Variants in RPS6KC1 observed in about 807,000 individuals in gnomAD.
RPS6KC1 encodes the protein inactive ribosomal protein S6 kinase delta-1.
RPS6KC1 carries 54 observed loss-of-function variants against 103.8 expected under a neutral mutation model. That is an observed-to-expected ratio of 0.52 (90% CI 0.42 to 0.65). RPS6KC1 has a LOEUF of 0.65. Among genes scored for constraint, RPS6KC1 ranks in the 30% least tolerant of loss-of-function variants. The pLI, the probability that RPS6KC1 is intolerant of heterozygous loss-of-function variation, is 0.00. For missense variants in RPS6KC1, 1,151 were observed against 1,253.8 expected (o/e 0.92, Z 1.24); for synonymous variants, 439 against 438.7 (o/e 1.00, Z -0.01).
chr1:213,318,048 G>A, the RPS6KC1 span, among the ~76,000 whole-genome samples: 3 of 152,258 alleles, frequency 2.0e-5, no homozygotes, highest in African/African-American at 7.2e-5. Context: ...GGGGGCAGGG[G>A]CTGTGTTCGC....
chr1:213,400,009 G>A, the RPS6KC1 span, among the ~76,000 whole-genome samples: 1 of 152,184 alleles, frequency 6.6e-6, no homozygotes, highest in African/African-American at 2.4e-5. Flanking sequence ...GCCGAGGAGG[G>A]CTGGGCGCCG....
intron 10 of RPS6KC1, among the ~76,000 whole-genome samples, chr1:213,234,387 A>C (rs2094177574): frequency 6.6e-6 from 1 of 152,206 alleles, no homozygotes; most frequent in Admixed American, 6.5e-5. Flanking sequence ...AAAAGGAACT[A>C]TACAGATCTT....
the RPS6KC1 span, among the ~76,000 whole-genome samples, chr1:213,335,909 C>T: frequency 2.6e-4 from 39 of 152,206 alleles, no homozygotes; most frequent in South Asian, 7.9e-3. Context: ...GGAGGTGATC[C>T]GGTTTAGTGA....
At chr1:213,694,029 A>G in the RPS6KC1 span, among the ~76,000 whole-genome samples, 2 of 152,330 alleles carry the variant, frequency 1.3e-5, no homozygotes, top group East Asian at 1.9e-4. Flanking sequence ...GATAGCACCC[A>G]TAATCTGATT....
the RPS6KC1 span, among the ~76,000 whole-genome samples, chr1:213,317,409 GCTGC>G: frequency 6.6e-6 from 1 of 152,160 alleles, no homozygotes; most frequent in African/African-American, 2.4e-5. Context: ...TTTGTAGATG[GCTGC>G]CTTTTCACTC....
the RPS6KC1 span, among the ~76,000 whole-genome samples, chr1:213,355,418 C>T: frequency 4.6e-5 from 7 of 152,058 alleles, no homozygotes; most frequent in South Asian, 2.1e-4. Flanking sequence ...GATCCACCGG[C>T]CTTAGACAGG....
the RPS6KC1 span, among the ~76,000 whole-genome samples, chr1:213,824,262 C>G: frequency 6.6e-6 from 1 of 152,236 alleles, no homozygotes; most frequent in African/African-American, 2.4e-5. Context: ...CCATGTCACT[C>G]AGAGCTGGCC....
At chr1:213,320,458 G>A in the RPS6KC1 span, among the ~76,000 whole-genome samples, 2 of 152,206 alleles carry the variant, frequency 1.3e-5, no homozygotes, top group South Asian at 2.1e-4. Context: ...TGGTAATGCC[G>A]TTTATTAATA....
chr1:213,060,018 A>AT (rs2077691703), intron 1 of RPS6KC1, among the ~76,000 whole-genome samples: 1 of 152,050 alleles, frequency 6.6e-6, no homozygotes, highest in African/African-American at 2.4e-5. Flanking sequence ...GGGTTTTGCC[A>AT]TGTTGGCCAG....
chr1:213,108,563 T>C (rs2082706964), intron 4 of RPS6KC1, among the ~76,000 whole-genome samples: 1 of 152,098 alleles, frequency 6.6e-6, no homozygotes, highest in Admixed American at 6.5e-5. Flanking sequence ...TTTTGAGTTC[T>C]TTGAACTTCC....
intron 8 of RPS6KC1, among the ~76,000 whole-genome samples, chr1:213,199,756 G>A (rs1416566008): frequency 6.6e-6 from 1 of 152,118 alleles, no homozygotes; most frequent in Non-Finnish European, 1.5e-5. Context: ...CAGCCCAAAA[G>A]CTTCTTAAGC....
chr1:213,780,627 A>G, the RPS6KC1 span, among the ~76,000 whole-genome samples: 1 of 152,188 alleles, frequency 6.6e-6, no homozygotes, highest in Non-Finnish European at 1.5e-5. Flanking sequence ...AACCAGCACC[A>G]TGAAGGCTAT....
chr1:213,126,236 G>A lies in RPS6KC1; in HGVS notation c.473-3291G>A, dbSNP rs184904852. Among the ~76,000 whole-genome samples, 105 of 152,094 alleles carry A rather than the reference G, an allele frequency of 6.9e-4. 1 individual carries two copies. The East Asian group carries it at 0.017, about 25-fold the overall frequency. On this transcript the variant is annotated intron_variant, in intron 5 of 14. Transcript: ENST00000366960. The stretch of plus-strand genomic sequence containing the variant: ...TCATAAAATTTATATATATTTCTTA[G>A]GATAGTAGATAAATAACTGTAGATT...
intron 10 of RPS6KC1, 127 bp downstream of exon 10, chr1:213,232,382 C>T: frequency 8.7e-7 from 1 of 1,147,628 alleles, no homozygotes; most frequent in Non-Finnish European, 1.3e-6. Flanking sequence ...TCCTATTCCT[C>T]TGCTCTACCT....
the RPS6KC1 span, among the ~76,000 whole-genome samples, chr1:213,348,334 C>T: frequency 6.6e-6 from 1 of 152,186 alleles, no homozygotes; most frequent in Non-Finnish European, 1.5e-5. Context: ...CTGTCCAATT[C>T]TTCTTATCTC....
At chr1:213,101,835 T>C (rs2082043620) in intron 3 of RPS6KC1, among the ~76,000 whole-genome samples, 1 of 152,218 alleles carries the variant, frequency 6.6e-6, no homozygotes, top group East Asian at 1.9e-4. Flanking sequence ...TCATAAGCAC[T>C]GATTCATACT....
the RPS6KC1 span, among the ~76,000 whole-genome samples, chr1:213,343,516 G>A: frequency 0.066 from 9,788 of 147,836 alleles, 483 homozygotes; most frequent in Middle Eastern, 0.11. Context: ...TGGAATTGGA[G>A]ACTATTATCC....
At chr1:213,156,742 A>G (rs1055752707) in intron 6 of RPS6KC1, among the ~76,000 whole-genome samples, 5 of 152,222 alleles carry the variant, frequency 3.3e-5, no homozygotes, top group Non-Finnish European at 5.9e-5. Context: ...TCTATACCCA[A>G]TGAAAATATC....
the RPS6KC1 span, among the ~76,000 whole-genome samples, chr1:213,289,375 C>T: frequency 6.0e-5 from 9 of 149,498 alleles, no homozygotes; most frequent in East Asian, 1.8e-3. Flanking sequence ...AATTTTTTTT[C>T]CACGACTTTT....
Sources: allele counts gnomAD v4.1 joint callset (sites outside exome capture counted in the v4.1 genomes callset), GRCh38; gene constraint gnomAD v4.1.1; transcripts MANE v1.5; gene names NCBI Gene and HGNC (gene_info 2026-07-23, HGNC 2026-07-21).